Variants in SIRPB2 observed in about 807,000 individuals in gnomAD.
SIRPB2 encodes the protein signal regulatory protein beta 2.
Under a neutral mutation model 27.1 loss-of-function variants are expected in SIRPB2, and 18 were observed. The ratio of observed to expected loss-of-function variants is 0.66; its 90% CI spans 0.46 to 0.98. The LOEUF (loss-of-function observed/expected upper bound fraction) is 0.98, where lower values mean the gene tolerates loss of function less well. SIRPB2 is among the 50% of genes least tolerant of loss of function. The pLI is 0.00. For missense variants in SIRPB2, 420 were observed against 417.4 expected, an observed-to-expected ratio of 1.01 and a Z score of -0.06; for synonymous variants, 150 against 164.6, an observed-to-expected ratio of 0.91 and a Z score of 0.68.
rs758055537 is a variant in SIRPB2 at position 1,476,232 on chromosome 20, C to T, written c.964G>A (p.Asp322Asn). The T allele has an allele frequency of 6.2e-7, 1 of 1,614,068 alleles. No homozygotes were observed. Among genetic ancestry groups the T allele is most frequent in the Admixed American group, 1.7e-5 (1 of 60,010 alleles). Reference sequence around the variant, plus strand: ...CCTGCTGGGCCTGTGGTCTTGACATCTTCTTGCCCAGGGCTCCTCCGAGAG... The same window carrying T: ...CCTGCTGGGCCTGTGGTCTTGACATTTTCTTGCCCAGGGCTCCTCCGAGAG... Reference protein sequence around the residue: ...ATSRRSPGQEDVKTTGPAGAM... With the variant: ...ATSRRSPGQENVKTTGPAGAM... The change falls in exon 5 of 5, where the codon GAT becomes AAT. Residue 322 changes from aspartate to asparagine, a missense_variant. Coordinates refer to ENST00000359801, the MANE Select transcript of SIRPB2 (RefSeq NM_001122962.2).
chr20:1,480,002 A>C lies in SIRPB2; in HGVS notation c.149T>G (p.Val50Gly), dbSNP rs1333113367. 1 of 1,614,006 alleles carries C rather than the reference A, an allele frequency of 6.2e-7. No individual in the cohort carries two copies. The highest frequency in any genetic ancestry group is 8.5e-7 in the Non-Finnish European group (1 of 1,180,046). The change falls in exon 2 of 5, where the codon GTG (valine) becomes GGG (glycine). Residue 50 changes from valine (V) to glycine (G), a missense_variant. Val to Gly is a moderately radical substitution (Grantham distance 109, BLOSUM62 -3). Coordinates refer to ENST00000359801, the MANE Select transcript of SIRPB2 (RefSeq NM_001122962.2). ...QVLQPEGPML[V>G]AEGETLLLRC... is the part of the protein sequence containing the mutation. The stretch of plus-strand genomic sequence containing the variant: ...CAGTAGAAGTGTCTCACCTTCTGCC[A>C]CCAGCATGGGGCCCTCGGGCTGTAG...
intron 2 of SIRPB2, 121 bp from the exon 3 acceptor site, chr20:1,478,728 CTGCTTTCTTTA>C: frequency 1.2e-6 from 1 of 801,784 alleles, no homozygotes; most frequent in Non-Finnish European, 1.9e-6. Context: ...CCACTCCTTC[CTGCTTTCTTTA>C]TTACTCACCA....
chr20:1,490,233 T>G (rs987880854), intron 1 of SIRPB2, among the ~76,000 whole-genome samples: 8 of 152,186 alleles, frequency 5.3e-5, no homozygotes, highest in African/African-American at 1.9e-4. Flanking sequence ...AGAATTGAAG[T>G]GGTGTCTTGA....
intron 1 of SIRPB2, among the ~76,000 whole-genome samples, chr20:1,486,428 G>T (rs2090727237): frequency 6.6e-6 from 1 of 151,692 alleles, no homozygotes. Flanking sequence ...AATACTTTTA[G>T]AAAATTGAAA....
intron 4 of SIRPB2, 133 bp downstream of exon 4, chr20:1,477,205 T>C: frequency 6.2e-7 from 1 of 1,610,516 alleles, no homozygotes; most frequent in Non-Finnish European, 8.5e-7. Context: ...GCAGTTGAGA[T>C]GAAGTCCTGG....
chr20:1,483,575 C>T (rs1039051712), intron 1 of SIRPB2, among the ~76,000 whole-genome samples: 1 of 152,036 alleles, frequency 6.6e-6, no homozygotes, highest in Non-Finnish European at 1.5e-5. Context: ...CTTTCCTTTG[C>T]TCATTTTTAA....
At chr20:1,483,497 G>A (rs1457761883) in intron 1 of SIRPB2, among the ~76,000 whole-genome samples, 1 of 152,160 alleles carries the variant, frequency 6.6e-6, no homozygotes, top group Non-Finnish European at 1.5e-5. Context: ...GATGAGTGAT[G>A]TTGAGCATAT....
chr20:1,478,044 C>T (rs1468649195), intron 3 of SIRPB2: 2 of 671,960 alleles, frequency 3.0e-6, no homozygotes, highest in East Asian at 2.9e-5. Context: ...ATTAACTCTG[C>T]TTGAGAGGAG....
chr20:1,479,643 G>A (rs1240325627), intron 2 of SIRPB2, 57 bp downstream of exon 2: 1 of 1,587,708 alleles, frequency 6.3e-7, no homozygotes, highest in South Asian at 1.2e-5. Context: ...GGATAAAGGT[G>A]ACTGTGCAGG....
chr20:1,477,453 C>G, intron 3 of SIRPB2, 50 bp from the exon 4 acceptor site: 1 of 1,568,746 alleles, frequency 6.4e-7, no homozygotes, highest in Non-Finnish European at 8.7e-7. Context: ...TTATCTCCCA[C>G]CACTTCCTAA....
chr20:1,472,144 A>G (rs980029145), downstream of SIRPB2, among the ~76,000 whole-genome samples: 1 of 152,114 alleles, frequency 6.6e-6, no homozygotes, highest in Non-Finnish European at 1.5e-5. Context: ...GGGCTGTGGC[A>G]TGCCCCCTGC....
Position 1,478,297 on chromosome 20 carries a change from C to T in SIRPB2, c.762G>A (p.Leu254=). The change falls in exon 3 of 5, where the codon CTG becomes CTA. Residue 254 remains leucine (L), a synonymous_variant. Coordinates refer to ENST00000359801, the MANE Select transcript of SIRPB2 (RefSeq NM_001122962.2). The stretch of plus-strand genomic sequence containing the variant: ...CTTTCAGGCTGGTGCCCTGTCCAGA[C>T]AGGTATTGCCTGTTGGGTTTCCTCT... ...KFQRKPNRQY[L]SGQGTSLKVK... is the part of the protein sequence containing the mutation. 1 of 1,613,976 alleles carries T rather than the reference C, an allele frequency of 6.2e-7. No individual in the cohort carries two copies. Among genetic ancestry groups the T allele is most frequent in the Non-Finnish European group, 8.5e-7 (1 of 1,179,872 alleles).
chr20:1,479,507 C>T, intron 2 of SIRPB2, 193 bp downstream of exon 2: 1 of 848,804 alleles, frequency 1.2e-6, no homozygotes, highest in Non-Finnish European at 1.8e-6. Flanking sequence ...GCTACCTCTC[C>T]AGCCTGGGCT....
At position 1,491,345 on chromosome 20, in the gene SIRPB2, C is replaced by T. The variant is rs1179424031; in HGVS notation, c.15G>A (p.Met5Ile). 1.2e-6 allele frequency: 2 copies of T among 1,609,632 alleles called. No individual in the cohort carries two copies. The highest frequency in any genetic ancestry group is 2.2e-5 in the South Asian group (2 of 90,054). ...AGTGGGCCAGGCAGGTGGGGGCCGA[C>T]ATCGTGGAGCACATGGCATCTTCTG... MCST[M>I]SAPTCLAHLP... The change falls in exon 1 of 5, where the codon ATG (methionine) becomes ATA (isoleucine). Residue 5 changes from methionine to isoleucine, a missense_variant. Coordinates refer to ENST00000359801, the MANE Select transcript of SIRPB2 (RefSeq NM_001122962.2).
At chr20:1,483,452 C>T (rs969666632) in intron 1 of SIRPB2, among the ~76,000 whole-genome samples, 10 of 151,956 alleles carry the variant, frequency 6.6e-5, no homozygotes, top group Non-Finnish European at 5.9e-5. Flanking sequence ...TGGGATAAGA[C>T]GATATCTCAT....
At chr20:1,481,249 C>G (rs1488639534) in intron 1 of SIRPB2, among the ~76,000 whole-genome samples, 1 of 152,074 alleles carries the variant, frequency 6.6e-6, no homozygotes, top group Admixed American at 6.5e-5. Context: ...CTCCTGTGCT[C>G]AAGTGATTCC....
intron 1 of SIRPB2, among the ~76,000 whole-genome samples, chr20:1,489,698 T>C (rs6042568): frequency 0.16 from 24,642 of 152,096 alleles, 4,019 homozygotes; most frequent in African/African-American, 0.42. Context: ...GGTTCCTGTA[T>C]GGGGCTCCCT....
chr20:1,483,597 ATTTG>A (rs2090695095), intron 1 of SIRPB2, among the ~76,000 whole-genome samples: 1 of 151,670 alleles, frequency 6.6e-6, no homozygotes, highest in Non-Finnish European at 1.5e-5. Context: ...TAGATTATTT[ATTTG>A]TTTGTTTGCT....
Position 1,487,591 on chromosome 20 carries a change from G to C in SIRPB2, c.85+3684C>G, listed in dbSNP as rs577783593. ...CACAAAGATAGATAAACATATCAGT[G>C]GAACTGAATAGAGAGTCTAGAAATA... is the stretch of plus-strand genomic sequence containing the variant. On this transcript the variant is annotated intron_variant, in intron 1 of 4. Transcript: ENST00000359801. 2.6e-5 allele frequency among the ~76,000 whole-genome samples: 4 copies of C among 152,324 alleles called. No homozygotes were observed. In the East Asian group the frequency reaches 5.8e-4, roughly 22 times the overall value.
Sources: allele counts gnomAD v4.1 joint callset (sites outside exome capture counted in the v4.1 genomes callset), GRCh38; gene constraint gnomAD v4.1.1; transcripts MANE v1.5; gene names NCBI Gene and HGNC (gene_info 2026-07-23, HGNC 2026-07-21).